Variants in KAZN observed in about 807,000 individuals in gnomAD.
The protein encoded by KAZN is kazrin, periplakin interacting protein, also known as kazrin.
A neutral mutation model predicts 87.4 loss-of-function variants in KAZN; 40 were observed. That is an observed-to-expected ratio of 0.46 (90% CI 0.36 to 0.60). The LOEUF (loss-of-function observed/expected upper bound fraction) is 0.60. Among genes scored for constraint, KAZN ranks in the 20% least tolerant of loss-of-function variants. The pLI, the probability that KAZN is intolerant of heterozygous loss-of-function variation, is 0.00. For synonymous variants in KAZN, 466 were observed against 458.3 expected (o/e 1.02, Z -0.22); for missense variants, 898 against 1,073.9 (o/e 0.84, Z 2.29).
intron 1 of KAZN, among the ~76,000 whole-genome samples, chr1:14,008,970 C>T (rs1640159919): frequency 6.6e-6 from 1 of 152,154 alleles, no homozygotes. Context: ...CCCCATTCCC[C>T]ACTCTCCCAG....
intron 2 of KAZN, among the ~76,000 whole-genome samples, chr1:14,472,632 G>A (rs1424415815): frequency 6.6e-6 from 1 of 150,694 alleles, no homozygotes; most frequent in East Asian, 2.0e-4. Context: ...AATGCCTACA[G>A]CAAAGAAGCT....
chr1:14,890,639 C>T (rs1276629825), intron 1 of KAZN, among the ~76,000 whole-genome samples: 2 of 152,110 alleles, frequency 1.3e-5, no homozygotes, highest in Non-Finnish European at 2.9e-5. Flanking sequence ...AGTATACAGA[C>T]TTCCGGGCCC....
intron 2 of KAZN, among the ~76,000 whole-genome samples, chr1:14,500,874 C>A (rs2148426907): frequency 6.6e-6 from 1 of 152,102 alleles, no homozygotes; most frequent in South Asian, 2.1e-4. Context: ...CTGGAAGACA[C>A]AAACTACAGA....
At chr1:13,982,558 T>C (rs1414806178) in intron 1 of KAZN, among the ~76,000 whole-genome samples, 1 of 152,216 alleles carries the variant, frequency 6.6e-6, no homozygotes, top group Non-Finnish European at 1.5e-5. Context: ...TGGTTGCCAC[T>C]GCTGGCTCGG....
intron 1 of KAZN, among the ~76,000 whole-genome samples, chr1:14,809,367 C>G (rs1646333199): frequency 6.6e-6 from 1 of 152,228 alleles, no homozygotes; most frequent in Admixed American, 6.5e-5. Context: ...CTGAATTCTT[C>G]TCTCCCTCTG....
At chr1:15,017,256 C>G (rs1315511033) in intron 2 of KAZN, among the ~76,000 whole-genome samples, 4 of 152,072 alleles carry the variant, frequency 2.6e-5, no homozygotes, top group African/African-American at 9.7e-5. Flanking sequence ...CGAGATCACA[C>G]CACTGCACTC....
chr1:14,336,394 GT>G (rs1657273213), intron 2 of KAZN, among the ~76,000 whole-genome samples: 1 of 152,168 alleles, frequency 6.6e-6, no homozygotes, highest in African/African-American at 2.4e-5. Context: ...GATGTTTCCA[GT>G]TTGGGGCTAT....
chr1:14,007,188 C>G (rs1360205715), intron 1 of KAZN, among the ~76,000 whole-genome samples: 1 of 152,028 alleles, frequency 6.6e-6, no homozygotes, highest in Admixed American at 6.6e-5. Context: ...ATTTTGTATC[C>G]TGCAACTTTA....
intron 2 of KAZN, among the ~76,000 whole-genome samples, chr1:15,017,731 G>A (rs935535485): frequency 2.0e-5 from 3 of 152,090 alleles, no homozygotes; most frequent in Non-Finnish European, 4.4e-5. Flanking sequence ...TTGAACCTGG[G>A]AGGCGGAGGT....
At chr1:14,607,949 C>T (rs1677499787) in intron 1 of KAZN, among the ~76,000 whole-genome samples, 1 of 152,232 alleles carries the variant, frequency 6.6e-6, no homozygotes, top group African/African-American at 2.4e-5. Context: ...AATTTACCTT[C>T]ATATTACAGA....
intron 2 of KAZN, among the ~76,000 whole-genome samples, chr1:14,489,595 A>G: frequency 6.6e-6 from 1 of 151,910 alleles, no homozygotes; most frequent in Non-Finnish European, 1.5e-5. Context: ...TTAGCTGGCC[A>G]TGGTGGCACA....
At chr1:14,861,994 T>C (rs1650910818) in intron 1 of KAZN, among the ~76,000 whole-genome samples, 1 of 152,224 alleles carries the variant, frequency 6.6e-6, no homozygotes. Flanking sequence ...CCTTGGACTT[T>C]CCAGTTAGGT....
Position 15,096,974 on chromosome 1 carries a change from G to A in KAZN, c.1547+2041G>A, listed in dbSNP as rs1381907421. Among the ~76,000 whole-genome samples the A allele has an allele frequency of 6.6e-6, 1 of 152,162 alleles. No homozygotes were observed. The highest frequency in any genetic ancestry group is 1.5e-5 in the Non-Finnish European group (1 of 68,028). ...CCAGGAGTCTGTGGTCCCAGGGATC[G>A]TGGAGCCCCACCCTTAGACACCCCC... On this transcript the variant is annotated intron_variant, in intron 10 of 14. Transcript: ENST00000376030. This position sits in a 1 kb window ranked among gnomAD's most constrained non-coding sequence, Gnocchi z 4.5.
intron 4 of KAZN, among the ~76,000 whole-genome samples, chr1:15,046,675 C>A (rs1673583154): frequency 1.3e-5 from 2 of 152,190 alleles, no homozygotes; most frequent in African/African-American, 4.8e-5. Flanking sequence ...GGGGCAGGAT[C>A]CGTGGGCCTA....
intron 2 of KAZN, among the ~76,000 whole-genome samples, chr1:14,520,005 C>T (rs1345582513): frequency 6.6e-6 from 1 of 152,168 alleles, no homozygotes; most frequent in Non-Finnish European, 1.5e-5. Flanking sequence ...TGCCATTGCA[C>T]AGATCGTGCC....
chr1:14,360,832 T>C (rs1659442389), intron 2 of KAZN, among the ~76,000 whole-genome samples: 1 of 152,210 alleles, frequency 6.6e-6, no homozygotes, highest in African/African-American at 2.4e-5. Flanking sequence ...GAGGGGCACC[T>C]GCCAGATGCC....
At chr1:14,962,118 A>G (rs1175248783) in intron 2 of KAZN, among the ~76,000 whole-genome samples, 1 of 152,240 alleles carries the variant, frequency 6.6e-6, no homozygotes, top group African/African-American at 2.4e-5. Context: ...CGGCTCAGTG[A>G]GAGCCAATTC....
chr1:14,759,042 C>T (rs571684212), intron 1 of KAZN, among the ~76,000 whole-genome samples: 3 of 152,260 alleles, frequency 2.0e-5, no homozygotes, highest in Admixed American at 2.0e-4. Context: ...CCTAGGCTAC[C>T]CTGGACAATG....
At chr1:14,357,880 C>T (rs74447389) in intron 2 of KAZN, among the ~76,000 whole-genome samples, 1 of 151,900 alleles carries the variant, frequency 6.6e-6, no homozygotes, top group Non-Finnish European at 1.5e-5. Flanking sequence ...TAGCCTGAAA[C>T]TTTCTTTTTC....
Sources: gnomAD v4.1 joint callset for allele counts (sites outside exome capture counted in the v4.1 genomes callset) on GRCh38, gnomAD v4.1.1 for gene constraint, Gnocchi (gnomAD v3.1) non-coding constraint, MANE v1.5 for transcripts, NCBI Gene and HGNC (gene_info 2026-07-23, HGNC 2026-07-21) for gene names.